Variants in TNR observed in about 807,000 individuals in gnomAD.
The protein encoded by TNR is tenascin-R.
TNR carries 45 observed loss-of-function variants against 150.4 expected under a neutral mutation model. That is an observed-to-expected ratio of 0.30 (90% CI 0.24 to 0.38). The LOEUF (loss-of-function observed/expected upper bound fraction) is 0.38. TNR is among the 10% of genes least tolerant of loss of function. The probability of loss-of-function intolerance (pLI) is 1.00; values close to 1 mark genes in which losing one functional copy is unlikely to be tolerated. For missense variants in TNR, 1,544 were observed against 1,759.1 expected, an observed-to-expected ratio of 0.88 and a Z score of 2.19; for synonymous variants, 687 against 678.4, an observed-to-expected ratio of 1.01 and a Z score of -0.20.
chr1:175,581,212 G>C (rs539260197), intron 1 of TNR, among the ~76,000 whole-genome samples: 1 of 152,282 alleles, frequency 6.6e-6, no homozygotes, highest in Non-Finnish European at 1.5e-5. Flanking sequence ...GCTCATCCTT[G>C]CCTACTGTCT....
At chr1:175,353,031 G>C (rs1651129671) in intron 18 of TNR, among the ~76,000 whole-genome samples, 1 of 152,134 alleles carries the variant, frequency 6.6e-6, no homozygotes, top group Non-Finnish European at 1.5e-5. Flanking sequence ...TGAGTATATG[G>C]GACATGCTCA....
intron 1 of TNR, among the ~76,000 whole-genome samples, chr1:175,714,962 A>T (rs1270307031): frequency 2.0e-5 from 3 of 152,120 alleles, no homozygotes; most frequent in Non-Finnish European, 4.4e-5. Context: ...GGGGCATGGG[A>T]TGGACACAAA....
chr1:175,682,624 C>G, intron 1 of TNR, among the ~76,000 whole-genome samples: 1 of 152,154 alleles, frequency 6.6e-6, no homozygotes, highest in Non-Finnish European at 1.5e-5. Flanking sequence ...ATGGCATAAT[C>G]CCAAGACTCT....
intron 1 of TNR, among the ~76,000 whole-genome samples, chr1:175,573,326 G>A (rs910017907): frequency 6.6e-6 from 1 of 152,332 alleles, no homozygotes; most frequent in South Asian, 2.1e-4. Context: ...AGAGCCCTGC[G>A]GCTTTTCCAG....
chr1:175,598,896 C>G (rs965248992), intron 1 of TNR, among the ~76,000 whole-genome samples: 1 of 152,226 alleles, frequency 6.6e-6, no homozygotes, highest in African/African-American at 2.4e-5. Flanking sequence ...CTGGAATGCT[C>G]TAATGAATCT....
In TNR at chr1:175,543,913, G is replaced by GA. The variant is rs200918285; in HGVS notation, c.-164-15545dup. 7.7e-3 allele frequency among the ~76,000 whole-genome samples: 1,158 copies of GA among 150,522 alleles called. 14 individuals are homozygous for GA. The highest frequency in any genetic ancestry group is 0.025 in the African/African-American group (1,037 of 41,048). The stretch of plus-strand genomic sequence containing the variant: ...TGAAGGATCAACAGGAAGTCACAGA[G>GA]AAAAAAAAAGAGCATTTGGGCAGAG... On this transcript the variant is annotated intron_variant, in intron 1 of 22. Coordinates refer to ENST00000367674, the MANE Select transcript of TNR (RefSeq NM_003285.3).
At chr1:175,417,638 T>A (rs973980668) in intron 2 of TNR, among the ~76,000 whole-genome samples, 7 of 152,134 alleles carry the variant, frequency 4.6e-5, no homozygotes, top group Non-Finnish European at 1.0e-4. Flanking sequence ...AACTGATTGC[T>A]TGCTTTTTTT....
chr1:175,734,070 C>T (rs1473245571), intron 1 of TNR, among the ~76,000 whole-genome samples: 1 of 152,190 alleles, frequency 6.6e-6, no homozygotes, highest in Non-Finnish European at 1.5e-5. Flanking sequence ...GGGCTCAAGG[C>T]CACTGCCTGT....
intron 1 of TNR, among the ~76,000 whole-genome samples, chr1:175,701,821 A>C (rs568838833): frequency 2.0e-5 from 3 of 152,340 alleles, no homozygotes; most frequent in Admixed American, 1.3e-4. Flanking sequence ...AGCCAGACCT[A>C]CTGAGTCACA....
intron 2 of TNR, among the ~76,000 whole-genome samples, chr1:175,490,777 A>ACAAT (rs1293082444): frequency 2.6e-5 from 4 of 152,212 alleles, no homozygotes; most frequent in Non-Finnish European, 5.9e-5. Context: ...GGTGGGAGTG[A>ACAAT]CAATCAGTTC....
At chr1:175,501,003 C>T (rs1272166733) in intron 2 of TNR, among the ~76,000 whole-genome samples, 3 of 152,188 alleles carry the variant, frequency 2.0e-5, no homozygotes, top group African/African-American at 4.8e-5. Context: ...TATACATACC[C>T]TGCATGATGC....
intron 16 of TNR, 141 bp from the exon 17 acceptor site, chr1:175,355,774 G>T: frequency 1.7e-6 from 2 of 1,162,612 alleles, no homozygotes; most frequent in Non-Finnish European, 2.4e-6. Flanking sequence ...TTGGAAAGGA[G>T]CATAAAGGGT....
intron 1 of TNR, among the ~76,000 whole-genome samples, chr1:175,717,397 A>G (rs890054813): frequency 6.6e-6 from 1 of 152,138 alleles, no homozygotes; most frequent in Non-Finnish European, 1.5e-5. Flanking sequence ...CACGCAATAT[A>G]CCCAGGTGAC....
At chr1:175,739,379 CAT>C (rs1463104667) in intron 1 of TNR, among the ~76,000 whole-genome samples, 1 of 152,132 alleles carries the variant, frequency 6.6e-6, no homozygotes, top group East Asian at 1.9e-4. Context: ...CGAGATTCCC[CAT>C]CTTTATCCAG....
rs543890624 is a variant in TNR at position 175,404,454 on chromosome 1, T to C, written c.500-838A>G. ...TCTACGCATGTCTCTGTCCTAGACC[T>C]TACTGTGGGATAACTACAGTGGTTA... On this transcript the variant is annotated intron_variant, in intron 3 of 22. Coordinates refer to ENST00000367674, the MANE Select transcript of TNR (RefSeq NM_003285.3). Among the ~76,000 whole-genome samples the C allele has an allele frequency of 2.0e-5, 3 of 152,204 alleles. No individual in the cohort carries two copies. In the South Asian group the frequency reaches 6.2e-4, roughly 32 times the overall value.
chr1:175,660,781 C>T (rs1236878167), intron 1 of TNR, among the ~76,000 whole-genome samples: 1 of 152,124 alleles, frequency 6.6e-6, no homozygotes, highest in Non-Finnish European at 1.5e-5. Context: ...GCTGGACAAA[C>T]CATGGAGCAC....
intron 2 of TNR, among the ~76,000 whole-genome samples, chr1:175,415,781 G>T (rs1654414921): frequency 6.6e-6 from 1 of 152,144 alleles, no homozygotes. Context: ...TGGAGAATGG[G>T]ATCTTGAGTA....
intron 1 of TNR, among the ~76,000 whole-genome samples, chr1:175,708,020 G>C (rs1436382397): frequency 1.5e-3 from 8 of 5,506 alleles, no homozygotes; most frequent in African/African-American, 2.3e-3. Flanking sequence ...GTGTGTGTTT[G>C]TGTGTGTGTG....
chr1:175,594,390 A>T (rs929555321), intron 1 of TNR, among the ~76,000 whole-genome samples: 1 of 152,162 alleles, frequency 6.6e-6, no homozygotes, highest in African/African-American at 2.4e-5. Context: ...GTCCATCAGA[A>T]ATACACCTAT....
Sources: gnomAD v4.1 joint callset for allele counts (sites outside exome capture counted in the v4.1 genomes callset) on GRCh38, gnomAD v4.1.1 for gene constraint, MANE v1.5 for transcripts, NCBI Gene and HGNC (gene_info 2026-07-23, HGNC 2026-07-21) for gene names.